Variants in KANTR observed in about 807,000 individuals in gnomAD.
KANTR encodes the protein KDM5C adjacent transcript.
chrX:53,138,178 C>T (rs782401741), intron 2 of KANTR, among the ~76,000 whole-genome samples: 26 of 109,438 alleles, frequency 2.4e-4, no homozygotes, highest in African/African-American at 8.3e-4. Context: ...AAGTGATTCT[C>T]CTGCCTCAGC....
intron 2 of KANTR, among the ~76,000 whole-genome samples, chrX:53,103,957 T>C (rs142289373): frequency 2.7e-5 from 3 of 111,468 alleles, no homozygotes; most frequent in African/African-American, 6.5e-5. Context: ...ATCATTCTTA[T>C]TAGCACACAG....
chrX:53,108,106 G>T (rs1932976938), intron 2 of KANTR, among the ~76,000 whole-genome samples: 2 of 109,909 alleles, frequency 1.8e-5, no homozygotes. Flanking sequence ...GGCCAGGCTG[G>T]TCTCAAACTC....
intron 2 of KANTR, among the ~76,000 whole-genome samples, chrX:53,118,702 A>T (rs1008421458): frequency 9.1e-6 from 1 of 109,407 alleles, no homozygotes; most frequent in African/African-American, 3.3e-5. Context: ...CGGTGGCTAC[A>T]GTGAGCTGAG....
chrX:53,122,772 G>A (rs1556815686), intron 2 of KANTR, among the ~76,000 whole-genome samples: 1 of 111,751 alleles, frequency 8.9e-6, no homozygotes, highest in Non-Finnish European at 1.9e-5. Flanking sequence ...GACCATCTTT[G>A]CATTTCTTGT....
At chrX:53,135,559 C>T (rs782375680) in intron 2 of KANTR, among the ~76,000 whole-genome samples, 31 of 112,359 alleles carry the variant, frequency 2.8e-4, no homozygotes, top group Admixed American at 1.4e-3. Flanking sequence ...AAATGGCTTT[C>T]TGTTACCATA....
chrX:53,130,984 AT>A (rs1220448289), downstream of KANTR, among the ~76,000 whole-genome samples: 2 of 111,022 alleles, frequency 1.8e-5, no homozygotes, highest in Non-Finnish European at 3.8e-5. Context: ...GGGTCAGGGG[AT>A]TTCTTAAGCA....
At chrX:53,136,412 AT>A (rs1280720600) in intron 2 of KANTR, among the ~76,000 whole-genome samples, 1 of 103,591 alleles carries the variant, frequency 9.7e-6, no homozygotes, top group African/African-American at 3.5e-5. Context: ...CTGATTTTGT[AT>A]TTTTACTAGA....
At chrX:53,117,565 G>A (rs1933145217) in intron 2 of KANTR, among the ~76,000 whole-genome samples, 1 of 105,100 alleles carries the variant, frequency 9.5e-6, no homozygotes, top group Non-Finnish European at 1.9e-5. Context: ...ACTCAGTTGT[G>A]AGCCTTGTAA....
downstream of KANTR, chrX:53,142,823 T>G: frequency 2.1e-6 from 1 of 482,428 alleles, no homozygotes; most frequent in Non-Finnish European, 3.8e-6. Context: ...TTGCAGTCCA[T>G]TTAGAGGCAT....
At chrX:53,094,515 C>T (rs782406972) in intron 1 of KANTR, 8 of 111,783 alleles carry the variant, frequency 7.2e-5, no homozygotes, top group African/African-American at 2.6e-4. Flanking sequence ...TTGCTGCCCT[C>T]CCGCGGCCCC....
chrX:53,137,793 TTCCCTAGTTA>T (rs1444825980), intron 2 of KANTR, among the ~76,000 whole-genome samples: 2 of 111,171 alleles, frequency 1.8e-5, no homozygotes, highest in Non-Finnish European at 3.8e-5. Context: ...AAATCTGTTT[TTCCCTAGTTA>T]TTGCCCCCCT....
rs782714878 is a variant in KANTR, at chrX:53,141,084, C to T, written n.204-764C>T. Among the ~76,000 whole-genome samples, 6 of 112,834 alleles carry T rather than the reference C, an allele frequency of 5.3e-5. No individual in the cohort carries two copies. The East Asian group carries it at 1.7e-3, about 31-fold the overall frequency. On this transcript the variant is annotated intron_variant and non_coding_transcript_variant, in intron 2 of 2. Coordinates refer to the KANTR transcript ENST00000366185. ...GCTGAGGCAGGAGAATCACTCGAAC[C>T]CAGGAGCCAGAGGTTGCAGTGAGCC...
At chrX:53,098,132 A>C (rs1556811251) in intron 1 of KANTR, among the ~76,000 whole-genome samples, 1 of 110,430 alleles carries the variant, frequency 9.1e-6, no homozygotes, top group Non-Finnish European at 1.9e-5. Context: ...ACATTGATAC[A>C]TACAGGCATA....
chrX:53,134,652 T>C (rs1933400005), intron 2 of KANTR, among the ~76,000 whole-genome samples: 1 of 111,165 alleles, frequency 9.0e-6, no homozygotes, highest in Non-Finnish European at 1.9e-5. Context: ...TCAGAACACA[T>C]AGAATAAAAG....
downstream of KANTR, among the ~76,000 whole-genome samples, chrX:53,146,094 A>G (rs868978352): frequency 1.8e-5 from 2 of 112,293 alleles, no homozygotes; most frequent in African/African-American, 3.2e-5. Context: ...CAGAGTGCCT[A>G]TCCTCCTCCA....
chrX:53,134,543 C>T (rs1360339875), intron 2 of KANTR, among the ~76,000 whole-genome samples: 2 of 111,334 alleles, frequency 1.8e-5, no homozygotes, highest in African/African-American at 6.5e-5. Flanking sequence ...TGTCTTTCAA[C>T]TGTACATGGA....
intron 2 of KANTR, among the ~76,000 whole-genome samples, chrX:53,110,938 T>C (rs1233439370): frequency 9.1e-6 from 1 of 109,723 alleles, no homozygotes; most frequent in Non-Finnish European, 1.9e-5. Flanking sequence ...AAAAAAGAGT[T>C]TGGAAGTATG....
chrX:53,137,608 A>C (rs1248882171), intron 2 of KANTR, among the ~76,000 whole-genome samples: 1 of 109,951 alleles, frequency 9.1e-6, no homozygotes. Flanking sequence ...CTACTAAAAA[A>C]AAAATACAAA....
chrX:53,137,596 C>T lies in KANTR; in HGVS notation n.204-4252C>T, dbSNP rs2046571576. The stretch of plus-strand genomic sequence containing the variant: ...CCTAACCAACATGGAGAAAGCCCGT[C>T]TCTACTAAAAAAAAAATACAAAATT... On this transcript the variant is annotated intron_variant and non_coding_transcript_variant, in intron 2 of 2. Transcript: ENST00000366185. 6.4e-5 allele frequency among the ~76,000 whole-genome samples: 7 copies of T among 109,126 alleles called. No homozygotes were observed. The Admixed American group carries it at 6.9e-4, about 11-fold the overall frequency. The allele number at this position is 109,126 out of a possible 115,157, so 94.8% of individuals were successfully genotyped here.
Sources: allele counts gnomAD v4.1 joint callset (sites outside exome capture counted in the v4.1 genomes callset), GRCh38; gene constraint gnomAD v4.1.1; transcripts MANE v1.5; gene names NCBI Gene and HGNC (gene_info 2026-07-23, HGNC 2026-07-21).